EPHA2: variants seen among roughly 807,000 people sequenced by gnomAD.
EPHA2 encodes ephrin type-A receptor 2.
In EPHA2, 54 loss-of-function variants were observed where a neutral mutation model predicts 104.9. The observed-to-expected ratio is 0.51, with a 90% CI of 0.41 to 0.65. EPHA2 has a LOEUF of 0.65. Ranked by LOEUF, EPHA2 falls within the 30% of genes least tolerant of loss-of-function variation. EPHA2 has a pLI of 0.00. For missense variants in EPHA2, 1,117 were observed against 1,369.5 expected (o/e 0.82, Z 2.91); for synonymous variants, 560 against 559.1 (o/e 1.00, Z -0.02).
chr1:16,139,733 G>A (rs2124233487), intron 3 of EPHA2, among the ~76,000 whole-genome samples: 1 of 152,312 alleles, frequency 6.6e-6, no homozygotes, highest in South Asian at 2.1e-4. Context: ...TAATACGGAA[G>A]GTATGAGTGG....
At position 16,128,681 on chromosome 1, in the gene EPHA2, C is replaced by T. The variant is rs1336185932; in HGVS notation, c.2825+753G>A. On this transcript the variant is annotated intron_variant, in intron 16 of 16. Transcript: ENST00000358432. The surrounding 1 kb of genome is among the most constrained non-coding windows in gnomAD (Gnocchi z 4.7). ...ACAGGAGGAGGTGTCTGTGCCAAGG[C>T]CATGCCGGGAAAAGTCTCAATGCTG... Among the ~76,000 whole-genome samples, 1 of 152,184 alleles carries T rather than the reference C, an allele frequency of 6.6e-6. No individual in the cohort carries two copies. The highest frequency in any genetic ancestry group is 2.4e-5 in the African/African-American group (1 of 41,436).
At position 16,132,353 on chromosome 1, in the gene EPHA2, C is replaced by T. The variant is rs28394876; in HGVS notation, c.2115+25G>A. 5,497 of 1,614,126 alleles carry T rather than the reference C, an allele frequency of 3.4e-3. 176 individuals carry two copies. The African/African-American group carries it at 0.062, about 18-fold the overall frequency. ...CCCGGGCTCAATGGCCAGGCATCCC[C>T]GCCCCCTACAACCCACATCCTTACC... On this transcript the variant is annotated intron_variant, in intron 12 of 16. Transcript: ENST00000358432.
Position 16,134,520 on chromosome 1 carries a change from C to A in EPHA2, c.1630G>T (p.Gly544Cys). 6.2e-7 allele frequency: 1 copy of A among 1,614,088 alleles called. No homozygotes were observed. The highest frequency in any genetic ancestry group is 1.1e-5 in the South Asian group (1 of 91,076). The change falls in exon 8 of 17, where the codon GGT becomes TGT. Residue 544 changes from glycine (G) to cysteine (C), a missense_variant. By Grantham distance (159) the Gly-to-Cys change is radical (BLOSUM62 -3). Coordinates refer to ENST00000358432, the MANE Select transcript of EPHA2 (RefSeq NM_004431.5). The surrounding 1 kb of genome is among the most constrained non-coding windows in gnomAD (Gnocchi z 4.5). ...GCCAGCACCAGAAGCAGGACCACAC[C>A]GACAGCCACGCCGCCAATCACCGCC... The part of the protein sequence containing the change: ...NLAVIGGVAV[G>C]VVLLLVLAGV...
At chr1:16,145,492 A>G (rs2024916567) in intron 3 of EPHA2, among the ~76,000 whole-genome samples, 1 of 152,018 alleles carries the variant, frequency 6.6e-6, no homozygotes, top group African/African-American at 2.4e-5. Flanking sequence ...GTGCCAGGTG[A>G]CCTCAGGGTG....
chr1:16,130,261 A>G lies in EPHA2; in HGVS notation c.2634T>C (p.Pro878=), dbSNP rs776257223. ...AGTCAGCCAGGGTCTTGAGGGAGTCAGGGGCACGAATGAGCTTGTCCAGGA... is the reference window on the plus strand; with the variant it reads ...AGTCAGCCAGGGTCTTGAGGGAGTCGGGGGCACGAATGAGCTTGTCCAGGA... The part of the protein sequence containing the change: ...VSILDKLIRA[P]DSLKTLADFD... Residue 878 remains proline (P), a synonymous_variant, in exon 15 of 17, where the codon CCT becomes CCC. Transcript: ENST00000358432. This position sits in a 1 kb window ranked among gnomAD's most constrained non-coding sequence, Gnocchi z 4.5. 1 of 1,614,102 alleles carries G rather than the reference A, an allele frequency of 6.2e-7. No homozygotes were observed. Among genetic ancestry groups the G allele is most frequent in the Admixed American group, 1.7e-5 (1 of 60,020 alleles).
At chr1:16,127,810 G>A (rs1390196615) in intron 16 of EPHA2, among the ~76,000 whole-genome samples, 2 of 152,154 alleles carry the variant, frequency 1.3e-5, no homozygotes, top group Non-Finnish European at 2.9e-5. Context: ...ACAACAACGC[G>A]CACTGCAGCG....
rs2024456518 is a variant in EPHA2, at chr1:16,125,835, T to C, written c.2826-515A>G. On this transcript the variant is annotated intron_variant, in intron 16 of 16. Coordinates refer to ENST00000358432, the MANE Select transcript of EPHA2 (RefSeq NM_004431.5). This position sits in a 1 kb window ranked among gnomAD's most constrained non-coding sequence, Gnocchi z 4.9. ...CTCCTTCCCAGGAACTCTCTAGGGA[T>C]GTCGCTCAAAGCCTCTCTGCCCAAG... Among the ~76,000 whole-genome samples, 1 of 152,092 alleles carries C rather than the reference T, an allele frequency of 6.6e-6. No individual in the cohort carries two copies. Among genetic ancestry groups the C allele is most frequent in the Non-Finnish European group, 1.5e-5 (1 of 68,012 alleles).
In EPHA2 at chr1:16,133,354, C is replaced by A. The variant is rs1190438609; in HGVS notation, c.1879G>T (p.Val627Leu). 6.2e-7 allele frequency: 1 copy of A among 1,613,758 alleles called. No individual in the cohort carries two copies. The highest frequency in any genetic ancestry group is 1.3e-5 in the African/African-American group (1 of 74,880). The change falls in exon 11 of 17, where the codon GTG becomes TTG. Residue 627 changes from valine (V) to leucine (L), a missense_variant. By Grantham distance (32) the Val-to-Leu change is conservative. Coordinates refer to ENST00000358432, the MANE Select transcript of EPHA2 (RefSeq NM_004431.5). ...KVIGAGEFGE[V>L]YKGMLKTSSG... The stretch of plus-strand genomic sequence containing the variant: ...GATGTCTTCAGCATGCCCTTGTACA[C>A]CTCCCCAAACTCTCCTGTGGGCAGA...
rs1570395973 is a variant in EPHA2 at position 16,129,708 on chromosome 1, C to G, written c.2670-119G>C. On this transcript the variant is annotated intron_variant, in intron 15 of 16. Coordinates refer to ENST00000358432, the MANE Select transcript of EPHA2 (RefSeq NM_004431.5). Reference sequence around the variant, plus strand: ...CTGCCCCGTGCCTCCGTCTCCTTATCTGGGCAACAGGGAAGCCCAGTCAAG... The same window carrying G: ...CTGCCCCGTGCCTCCGTCTCCTTATGTGGGCAACAGGGAAGCCCAGTCAAG... The G allele has an allele frequency of 3.0e-6, 4 of 1,350,934 alleles. No homozygotes were observed. In the East Asian group the frequency reaches 1.0e-4, roughly 34 times the overall value. The allele number at this position is 1,350,934 out of a possible 1,614,324, so 83.7% of individuals were successfully genotyped here.
intron 5 of EPHA2, among the ~76,000 whole-genome samples, chr1:16,136,713 AAAGAAGAAGAAGAAGAAGAAGAAG>A (rs202150956): frequency 1.1e-4 from 11 of 102,734 alleles, no homozygotes; most frequent in East Asian, 2.8e-4. Context: ...AAGAAGAAGA[AAAGAAGAAGAAGAAGAAGAAGAAG>A]AAGAAGAAGA....
chr1:16,154,001 T>C lies in EPHA2; in HGVS notation c.85+1847A>G, dbSNP rs2025097050. On this transcript the variant is annotated intron_variant, in intron 1 of 16. Transcript: ENST00000358432. The stretch of plus-strand genomic sequence containing the variant: ...CCACCCCAGTGCAATACACAAGCCT[T>C]TCCCCCTGCATCCCATGGGGTGTGG... Among the ~76,000 whole-genome samples, 3 of 151,022 alleles carry C rather than the reference T, an allele frequency of 2.0e-5. No individual in the cohort carries two copies. In the South Asian group the frequency reaches 6.3e-4, roughly 32 times the overall value.
intron 16 of EPHA2, among the ~76,000 whole-genome samples, chr1:16,127,809 C>T (rs1053695932): frequency 6.6e-6 from 1 of 152,184 alleles, no homozygotes; most frequent in African/African-American, 2.4e-5. Flanking sequence ...CACAACAACG[C>T]GCACTGCAGC....
chr1:16,150,938 A>G lies in EPHA2; in HGVS notation c.111T>C (p.Ala37=), dbSNP rs1461834991. 1.2e-6 allele frequency: 2 copies of G among 1,614,082 alleles called. No homozygotes were observed. The highest frequency in any genetic ancestry group is 8.5e-7 in the Non-Finnish European group (1 of 1,179,994). The change falls in exon 2 of 17, where the codon GCT becomes GCC. Residue 37 remains alanine (A), a synonymous_variant. Coordinates refer to ENST00000358432, the MANE Select transcript of EPHA2 (RefSeq NM_004431.5). The surrounding 1 kb of genome is among the most constrained non-coding windows in gnomAD (Gnocchi z 4.8). ...GTGTGAGCCAGCCGAGCTCCCCTCC[A>G]GCTGCAGCAAAGTCCAGCAGTACCA... ...KEVVLLDFAA[A]GGELGWLTHP...
intron 3 of EPHA2, among the ~76,000 whole-genome samples, chr1:16,146,836 G>C (rs1384497533): frequency 6.6e-6 from 1 of 152,214 alleles, no homozygotes; most frequent in Non-Finnish European, 1.5e-5. Context: ...AGGGGCTGCA[G>C]GATCCATGGC....
Position 16,148,794 on chromosome 1 carries a change from T to C in EPHA2, c.407A>G (p.Lys136Arg). The change falls in exon 3 of 17, where the codon AAG (lysine) becomes AGG (arginine). Residue 136 changes from lysine (K) to arginine (R), a missense_variant. This residue lies in a region of EPHA2 where 664 missense variants were observed against 784.8 expected (regional missense o/e 0.85). Coordinates refer to ENST00000358432, the MANE Select transcript of EPHA2 (RefSeq NM_004431.5). The surrounding 1 kb of genome is among the most constrained non-coding windows in gnomAD (Gnocchi z 4.9). ...SDLDYGTNFQ[K>R]RLFTKIDTIA... The stretch of plus-strand genomic sequence containing the variant: ...GGTGTCAATCTTGGTGAACAGGCGC[T>C]TCTGGAAGTTGGTGCCGTAGTCCAG... 6.2e-7 allele frequency: 1 copy of C among 1,614,156 alleles called. No individual in the cohort carries two copies. Among genetic ancestry groups the C allele is most frequent in the East Asian group, 2.2e-5 (1 of 44,880 alleles).
At position 16,134,921 on chromosome 1, in the gene EPHA2, C is replaced by T. The variant is rs1304377896; in HGVS notation, c.1582+115G>A. On this transcript the variant is annotated intron_variant, in intron 7 of 16. Transcript: ENST00000358432. The surrounding 1 kb of genome is among the most constrained non-coding windows in gnomAD (Gnocchi z 4.5). The stretch of plus-strand genomic sequence containing the variant: ...TCCCCGAAGGGCTGTCCCAGGCCGC[C>T]GGTGACCGAGAAAGGGGCATTTCTA... 32 of 1,524,150 alleles carry T rather than the reference C, an allele frequency of 2.1e-5. No homozygotes were observed. The highest frequency in any genetic ancestry group is 6.8e-5 in the African/African-American group (5 of 73,376). The allele number at this position is 1,524,150 out of a possible 1,614,324, so 94.4% of individuals were successfully genotyped here.
intron 11 of EPHA2, 181 bp downstream of exon 11, chr1:16,132,999 T>G (rs1570400554): frequency 2.9e-6 from 2 of 699,542 alleles, no homozygotes; most frequent in Non-Finnish European, 2.2e-6. Context: ...GGGGGGAAGG[T>G]GGGCACAGGT....
intron 8 of EPHA2, 54 bp from the exon 9 acceptor site, chr1:16,133,969 G>A (rs546969890): frequency 4.8e-4 from 734 of 1,532,642 alleles, no homozygotes; most frequent in Non-Finnish European, 5.9e-4. Flanking sequence ...GGTCTGCTCC[G>A]GCCAGGGAAG....
At position 16,129,589 on chromosome 1, in the gene EPHA2, G is replaced by A. The variant is rs1365728907; in HGVS notation, c.2670C>T (p.Arg890=). 21 of 1,608,410 alleles carry A rather than the reference G, an allele frequency of 1.3e-5. No individual in the cohort carries two copies. Among genetic ancestry groups the A allele is most frequent in the East Asian group, 8.9e-5 (4 of 44,832 alleles). The change falls in exon 16 of 17, where the codon CGC becomes CGT. Residue 890 remains arginine, a splice_region_variant and synonymous_variant. Coordinates refer to ENST00000358432, the MANE Select transcript of EPHA2 (RefSeq NM_004431.5). ...SLKTLADFDP[R]VSIRLPSTSG... ...TCGTGCTGGGGAGCCGGATAGACACGCTGCAACAGGAAGCACTGCAGGTGA... is the reference window on the plus strand; with the variant it reads ...TCGTGCTGGGGAGCCGGATAGACACACTGCAACAGGAAGCACTGCAGGTGA...
Sources: gnomAD v4.1 joint callset for allele counts (sites outside exome capture counted in the v4.1 genomes callset) on GRCh38, gnomAD v4.1.1 for gene constraint, gnomAD v4.1.1 regional missense constraint, Gnocchi (gnomAD v3.1) non-coding constraint, MANE v1.5 for transcripts, NCBI Gene and HGNC (gene_info 2026-07-23, HGNC 2026-07-21) for gene names.